The following EML4 variants were observed in gnomAD, a reference collection of about 807,000 sequenced individuals.
EML4 encodes the protein EMAP like 4.
Under a neutral mutation model 129.0 loss-of-function variants are expected in EML4, and 72 were observed. The ratio of observed to expected loss-of-function variants is 0.56; its 90% CI spans 0.46 to 0.68. The LOEUF (loss-of-function observed/expected upper bound fraction) is 0.68. Among genes scored for constraint, EML4 ranks in the 30% least tolerant of loss-of-function variants. The pLI, the probability that EML4 is intolerant of heterozygous loss-of-function variation, is 0.00. For synonymous variants in EML4, 532 were observed against 405.0 expected (o/e 1.31, Z -3.77); for missense variants, 1,363 against 1,190.6 (o/e 1.14, Z -2.13).
At chr2:42,277,644 C>T (rs1339150969) in intron 6 of EML4, among the ~76,000 whole-genome samples, 2 of 151,000 alleles carry the variant, frequency 1.3e-5, no homozygotes, top group African/African-American at 4.9e-5. Flanking sequence ...TCTCGGCTCA[C>T]TGCAACCCCC....
intron 6 of EML4, 196 bp downstream of exon 6, chr2:42,264,927 T>C: frequency 6.4e-7 from 1 of 1,550,440 alleles, no homozygotes; most frequent in East Asian, 2.4e-5. Context: ...AGCAAAAATG[T>C]CAACTCGCGA....
intron 1 of EML4, among the ~76,000 whole-genome samples, chr2:42,242,303 A>G (rs2104279733): frequency 6.6e-6 from 1 of 152,364 alleles, no homozygotes; most frequent in East Asian, 1.9e-4. Flanking sequence ...TTAGAAAAAT[A>G]TATCCATATA....
rs143102568 is a variant in EML4 at position 42,282,874 on chromosome 2, C to A, written c.843C>A (p.Thr281=). The change falls in exon 8 of 23, where the codon ACC becomes ACA. Residue 281 remains threonine (T), a synonymous_variant. Coordinates refer to ENST00000318522, the MANE Select transcript of EML4 (RefSeq NM_019063.5). The part of the protein sequence containing the change: ...DCRANVYLLP[T]GKIVYFIASV... ...GAGCTAATGTTTACCTTCTTCCGAC[C>A]GGGAAAATAGTTTATTTCATTGCAT... is the stretch of plus-strand genomic sequence containing the variant. The A allele has an allele frequency of 1.1e-5, 17 of 1,612,270 alleles. No individual in the cohort carries two copies. In the African/African-American group the frequency reaches 2.0e-4, roughly 19 times the overall value.
intron 11 of EML4, among the ~76,000 whole-genome samples, chr2:42,294,112 C>T (rs1294904970): frequency 6.6e-6 from 1 of 152,184 alleles, no homozygotes; most frequent in South Asian, 2.1e-4. Flanking sequence ...TTATGATTTA[C>T]TGAAATTATA....
At chr2:42,258,280 G>GT (rs1433933829) in intron 3 of EML4, among the ~76,000 whole-genome samples, 2 of 151,882 alleles carry the variant, frequency 1.3e-5, no homozygotes, top group Non-Finnish European at 2.9e-5. Flanking sequence ...AGTAACTTCT[G>GT]TTTTTTGTTT....
chr2:42,324,756 T>A lies in EML4; in HGVS notation c.2155-711T>A, dbSNP rs116911178. Among the ~76,000 whole-genome samples the A allele has an allele frequency of 2.0e-5, 3 of 152,380 alleles. No individual in the cohort carries two copies. The East Asian group carries it at 5.8e-4, about 29-fold the overall frequency. On this transcript the variant is annotated intron_variant, in intron 19 of 22. Coordinates refer to ENST00000318522, the MANE Select transcript of EML4 (RefSeq NM_019063.5). ...TCTGTGTAATTTATCTGAAATAGTT[T>A]ATTGGAAATGCTTAAGTGCTTATAC...
At chr2:42,206,974 C>T (rs1049020665) in intron 1 of EML4, among the ~76,000 whole-genome samples, 2 of 152,052 alleles carry the variant, frequency 1.3e-5, no homozygotes, top group Admixed American at 1.3e-4. Flanking sequence ...AAAATAGTTG[C>T]ATATTGGCAG....
chr2:42,308,691 AT>A (rs1668757097), intron 17 of EML4, among the ~76,000 whole-genome samples: 1 of 152,140 alleles, frequency 6.6e-6, no homozygotes, highest in South Asian at 2.1e-4. Flanking sequence ...TTTCAGAACA[AT>A]TTTTAACCCA....
At chr2:42,252,753 T>A (rs746519677) in intron 2 of EML4, among the ~76,000 whole-genome samples, 2 of 152,128 alleles carry the variant, frequency 1.3e-5, no homozygotes, top group African/African-American at 4.8e-5. Context: ...TCACCGCCCT[T>A]TCAGCTGTCT....
intron 1 of EML4, among the ~76,000 whole-genome samples, chr2:42,235,270 G>A (rs1356669908): frequency 2.6e-5 from 4 of 151,372 alleles, no homozygotes; most frequent in African/African-American, 9.7e-5. Context: ...CACTCAGTCT[G>A]GGTGACAAGA....
chr2:42,268,102 A>G (rs1399893763), intron 6 of EML4, among the ~76,000 whole-genome samples: 1 of 152,346 alleles, frequency 6.6e-6, no homozygotes, highest in East Asian at 1.9e-4. Flanking sequence ...CATCCTTGAA[A>G]TAGTTATCAA....
chr2:42,171,739 T>C (rs909080045), intron 1 of EML4, among the ~76,000 whole-genome samples: 2 of 152,164 alleles, frequency 1.3e-5, no homozygotes, highest in Non-Finnish European at 2.9e-5. Flanking sequence ...AAGGAAATGG[T>C]TCCTGGCAGT....
At chr2:42,266,134 C>T (rs1014498815) in intron 6 of EML4, among the ~76,000 whole-genome samples, 18 of 152,070 alleles carry the variant, frequency 1.2e-4, no homozygotes, top group Non-Finnish European at 1.0e-4. Context: ...TTACTTCTTT[C>T]GTTCCAAAAA....
intron 1 of EML4, among the ~76,000 whole-genome samples, chr2:42,232,580 C>T (rs1386870903): frequency 1.3e-5 from 2 of 152,254 alleles, no homozygotes; most frequent in Admixed American, 1.3e-4. Context: ...ACCCACCTCA[C>T]TCCTGTTAAT....
At chr2:42,218,226 A>T (rs912010475) in intron 1 of EML4, among the ~76,000 whole-genome samples, 1 of 151,604 alleles carries the variant, frequency 6.6e-6, no homozygotes, top group African/African-American at 2.4e-5. Context: ...CATGCAAGGG[A>T]TCTCGGTTGC....
chr2:42,256,577 T>C lies in EML4; in HGVS notation c.285T>C (p.His95=). ...NGSGANRKPS[H]TSAVSIAGKE... ...GTGGTGCAAACAGAAAACCAAGTCA[T>C]ACCAGTGCTGTCTCAATTGCAGGAA... is the stretch of plus-strand genomic sequence containing the variant. The change falls in exon 3 of 23, where the codon CAT becomes CAC. Residue 95 remains histidine, a synonymous_variant. Transcript: ENST00000318522. 4 of 1,613,986 alleles carry C rather than the reference T, an allele frequency of 2.5e-6. No homozygotes were observed. Among genetic ancestry groups the C allele is most frequent in the Non-Finnish European group, 3.4e-6 (4 of 1,179,898 alleles).
intron 1 of EML4, among the ~76,000 whole-genome samples, chr2:42,184,319 G>A (rs1257599462): frequency 6.6e-6 from 1 of 151,278 alleles, no homozygotes; most frequent in Non-Finnish European, 1.5e-5. Context: ...GTGCCATGTT[G>A]GTGTGCTGCA....
intron 6 of EML4, among the ~76,000 whole-genome samples, chr2:42,272,077 C>CAAA (rs35948547): frequency 9.9e-6 from 1 of 101,152 alleles, no homozygotes; most frequent in Admixed American, 1.1e-4. Context: ...CACTCCATCT[C>CAAA]AAAAAAAAAA....
At chr2:42,200,035 C>T (rs1307778789) in intron 1 of EML4, among the ~76,000 whole-genome samples, 2 of 151,586 alleles carry the variant, frequency 1.3e-5, no homozygotes, top group African/African-American at 2.4e-5. Context: ...ACCGGCCAGG[C>T]GCGGTGGCTG....
Sources: gnomAD v4.1 joint callset for allele counts (sites outside exome capture counted in the v4.1 genomes callset) on GRCh38, gnomAD v4.1.1 for gene constraint, MANE v1.5 for transcripts, NCBI Gene and HGNC (gene_info 2026-07-23, HGNC 2026-07-21) for gene names.